TMC1: variants seen among roughly 807,000 people sequenced by gnomAD.
TMC1 encodes the protein transmembrane channel-like protein 1.
A neutral mutation model predicts 105.8 loss-of-function variants in TMC1; 84 were observed. The ratio of observed to expected loss-of-function variants is 0.79; its 90% CI spans 0.67 to 0.95. The LOEUF (loss-of-function observed/expected upper bound fraction) is 0.95. Among genes scored for constraint, TMC1 ranks in the 40% least tolerant of loss-of-function variants. The probability of loss-of-function intolerance (pLI) is 0.00; values close to 1 mark genes in which losing one functional copy is unlikely to be tolerated. For missense variants in TMC1, 817 were observed against 914.1 expected (o/e 0.89, Z 1.37); for synonymous variants, 315 against 311.5 (o/e 1.01, Z -0.12).
chr9:72,820,570 C>T (rs1828850594), intron 19 of TMC1, among the ~76,000 whole-genome samples: 1 of 152,140 alleles, frequency 6.6e-6, no homozygotes, highest in South Asian at 2.1e-4. Context: ...AGTTTAAATT[C>T]ACTAATGATA....
At chr9:72,550,243 G>T (rs970472794) in intron 1 of TMC1, among the ~76,000 whole-genome samples, 1 of 151,774 alleles carries the variant, frequency 6.6e-6, no homozygotes, top group South Asian at 2.1e-4. Flanking sequence ...CGAGGCAGGC[G>T]GATCATTTGA....
At chr9:72,833,128 C>A (rs1399561503) in intron 23 of TMC1, among the ~76,000 whole-genome samples, 1 of 152,074 alleles carries the variant, frequency 6.6e-6, no homozygotes, top group Non-Finnish European at 1.5e-5. Flanking sequence ...CCCAGTCTTT[C>A]TATGCATTCT....
At chr9:72,650,638 T>TC (rs780060269) in intron 5 of TMC1, among the ~76,000 whole-genome samples, 9 of 151,648 alleles carry the variant, frequency 5.9e-5, no homozygotes, top group Non-Finnish European at 1.2e-4. Context: ...TTTTCTTTTC[T>TC]CCTCCCCTCC....
intron 12 of TMC1, among the ~76,000 whole-genome samples, chr9:72,757,010 A>G (rs2118075534): frequency 6.6e-6 from 1 of 152,304 alleles, no homozygotes; most frequent in African/African-American, 2.4e-5. Context: ...TTGGTGAAAT[A>G]TGATTTGTCG....
intron 1 of TMC1, among the ~76,000 whole-genome samples, chr9:72,532,517 G>C (rs1419869172): frequency 1.1e-4 from 12 of 108,818 alleles, no homozygotes; most frequent in Admixed American, 4.0e-4. Flanking sequence ...CTCCAGCCTG[G>C]ACAACAAGAG....
rs780820925 is a variant in TMC1, at chr9:72,664,022, G to A, written c.16+15358G>A. ...GGAAGATCTTCATGGACAATAACAC[G>A]AAGCTCTCGTCTCCTGTGTTAACAA... On this transcript the variant is annotated intron_variant, in intron 5 of 23. Coordinates refer to ENST00000297784, the MANE Select transcript of TMC1 (RefSeq NM_138691.3). 8.5e-5 allele frequency among the ~76,000 whole-genome samples: 13 copies of A among 152,206 alleles called. No individual in the cohort carries two copies. The East Asian group carries it at 2.3e-3, about 27-fold the overall frequency.
intron 18 of TMC1, among the ~76,000 whole-genome samples, chr9:72,806,363 C>A (rs1216194144): frequency 7.2e-6 from 1 of 139,236 alleles, no homozygotes; most frequent in East Asian, 2.3e-4. Flanking sequence ...ACCCCCCCAC[C>A]TCCCTCCCGG....
At chr9:72,528,035 G>A (rs1371202573) in intron 1 of TMC1, among the ~76,000 whole-genome samples, 3 of 152,046 alleles carry the variant, frequency 2.0e-5, no homozygotes, top group African/African-American at 4.8e-5. Flanking sequence ...TCTCCACCCC[G>A]CCAAACTTAT....
intron 12 of TMC1, among the ~76,000 whole-genome samples, chr9:72,770,285 C>CATAT (rs1033172891): frequency 1.4e-5 from 2 of 145,256 alleles, no homozygotes; most frequent in African/African-American, 2.5e-5. Context: ...CACACATATA[C>CATAT]ATATATATAT....
chr9:72,800,515 A>G (rs898333843), intron 17 of TMC1, among the ~76,000 whole-genome samples: 7 of 152,192 alleles, frequency 4.6e-5, no homozygotes, highest in African/African-American at 1.4e-4. Flanking sequence ...ATGCGAATGC[A>G]ATCTAGGAGA....
At chr9:72,603,415 A>ACACAC (rs1554714785) in intron 2 of TMC1, among the ~76,000 whole-genome samples, 8 of 149,982 alleles carry the variant, frequency 5.3e-5, no homozygotes, top group South Asian at 2.1e-4. Flanking sequence ...ACACACACAC[A>ACACAC]CACACACCAC....
intron 1 of TMC1, among the ~76,000 whole-genome samples, chr9:72,572,611 G>T (rs1183151795): frequency 6.6e-6 from 1 of 152,140 alleles, no homozygotes; most frequent in Non-Finnish European, 1.5e-5. Context: ...TCCTAAAGGG[G>T]TAATACCTGT....
intron 12 of TMC1, among the ~76,000 whole-genome samples, chr9:72,771,071 A>T (rs1827917206): frequency 6.6e-6 from 1 of 152,146 alleles, no homozygotes; most frequent in Non-Finnish European, 1.5e-5. Flanking sequence ...TAAACATCAC[A>T]AGTTGGCTTT....
At chr9:72,673,248 A>C (rs531886418) in intron 5 of TMC1, among the ~76,000 whole-genome samples, 4 of 152,320 alleles carry the variant, frequency 2.6e-5, no homozygotes, top group Middle Eastern at 6.8e-3. Context: ...CTATATTAGA[A>C]AAGAAGATCT....
intron 4 of TMC1, among the ~76,000 whole-genome samples, chr9:72,646,810 T>C (rs1825719973): frequency 6.6e-6 from 1 of 152,054 alleles, no homozygotes; most frequent in African/African-American, 2.4e-5. Context: ...TTTCTTGTTA[T>C]AATAAAACAG....
In TMC1 at chr9:72,672,823, AACACACAC is replaced by A. The variant is rs34028814; in HGVS notation, c.17-15853_17-15846del. 9.9e-3 allele frequency among the ~76,000 whole-genome samples: 1,378 copies of A among 139,898 alleles called. 17 individuals carry two copies. The highest frequency in any genetic ancestry group is 0.028 in the Middle Eastern group (8 of 286). 91.8% of individuals were successfully genotyped at this position (139,898 alleles called of 152,430 possible). A position where few individuals can be genotyped will look rare whatever the true frequency, so the allele number is the denominator to read the frequency against. On this transcript the variant is annotated intron_variant, in intron 5 of 23. Transcript: ENST00000297784. ...TCAGGAATTCGAGACAAGCCTGGGCAACACACACACACACACACACACACACACACACA... is the reference window on the plus strand; with the variant it reads ...TCAGGAATTCGAGACAAGCCTGGGCAACACACACACACACACACACACACA...
At position 72,648,854 on chromosome 9, in the gene TMC1, C is replaced by T. The variant is rs34872646; in HGVS notation, c.16+190C>T. Among the ~76,000 whole-genome samples, 7,765 of 152,196 alleles carry T rather than the reference C, an allele frequency of 0.051. 239 individuals are homozygous for T. The highest frequency in any genetic ancestry group is 0.062 in the Non-Finnish European group (4,202 of 68,008). On this transcript the variant is annotated intron_variant, in intron 5 of 23. Coordinates refer to ENST00000297784, the MANE Select transcript of TMC1 (RefSeq NM_138691.3). ...TTGAGAAGGGTTTAATATCTCTCCA[C>T]CTTCTTCTCTTTTATGGATGAATGA...
chr9:72,625,605 G>A lies in TMC1; in HGVS notation c.-195-2316G>A, dbSNP rs940156405. ...CAGGAGGCTGAGGCAGGAGAATGGCGTGAACCCAGGAGGCGGAGCTTGCAG... is the reference window on the plus strand; with the variant it reads ...CAGGAGGCTGAGGCAGGAGAATGGCATGAACCCAGGAGGCGGAGCTTGCAG... On this transcript the variant is annotated intron_variant, in intron 3 of 23. Coordinates refer to ENST00000297784, the MANE Select transcript of TMC1 (RefSeq NM_138691.3). 3.3e-5 allele frequency among the ~76,000 whole-genome samples: 5 copies of A among 151,274 alleles called. No individual in the cohort carries two copies. The East Asian group carries it at 7.8e-4, about 24-fold the overall frequency.
At chr9:72,753,047 A>AT (rs1317694203) in intron 11 of TMC1, among the ~76,000 whole-genome samples, 18 of 152,088 alleles carry the variant, frequency 1.2e-4, no homozygotes, top group Non-Finnish European at 8.8e-5. Context: ...CTTGGAATAT[A>AT]TTTTTTTATT....
Sources: allele counts gnomAD v4.1 joint callset (sites outside exome capture counted in the v4.1 genomes callset), GRCh38; gene constraint gnomAD v4.1.1; transcripts MANE v1.5; gene names NCBI Gene and HGNC (gene_info 2026-07-23, HGNC 2026-07-21).